ZC3H12B: variants seen among roughly 807,000 people sequenced by gnomAD.
ZC3H12B encodes the protein zinc finger CCCH-type containing 12B.
ZC3H12B carries 7 observed loss-of-function variants against 43.9 expected under a neutral mutation model. The observed-to-expected ratio is 0.16, with a 90% confidence interval of 0.09 to 0.30. The LOEUF is 0.30. ZC3H12B is among the 10% of genes least tolerant of loss of function. ZC3H12B has a pLI of 1.00. For synonymous variants in ZC3H12B, 222 were observed against 241.7 expected, an observed-to-expected ratio of 0.92 and a Z score of 0.76; for missense variants, 475 against 670.2, an observed-to-expected ratio of 0.71 and a Z score of 3.22.
chrX:65,235,570 C>T, the ZC3H12B span, among the ~76,000 whole-genome samples: 1 of 111,056 alleles, frequency 9.0e-6, no homozygotes, highest in African/African-American at 3.3e-5. Flanking sequence ...AGGCTGAGTT[C>T]AGCTTGCATC....
the ZC3H12B span, among the ~76,000 whole-genome samples, chrX:65,065,190 G>A: frequency 2.0e-3 from 224 of 110,193 alleles, 1 homozygote; most frequent in Non-Finnish European, 2.7e-3. Context: ...CATTATGATG[G>A]TAGCTAGTTA....
the ZC3H12B span, among the ~76,000 whole-genome samples, chrX:65,212,639 TG>T: frequency 3.4e-3 from 293 of 85,925 alleles, no homozygotes; most frequent in African/African-American, 0.011. Context: ...TAAATATATA[TG>T]ATTATATATC....
At chrX:65,165,063 A>G in the ZC3H12B span, among the ~76,000 whole-genome samples, 2 of 111,911 alleles carry the variant, frequency 1.8e-5, no homozygotes, top group Admixed American at 1.9e-4. Flanking sequence ...TTATATTTCG[A>G]TGTTACAACA....
At chrX:65,162,230 T>G in the ZC3H12B span, among the ~76,000 whole-genome samples, 1 of 111,316 alleles carries the variant, frequency 9.0e-6, no homozygotes, top group African/African-American at 3.3e-5. Context: ...TTGGTGAATC[T>G]GACAATTATG....
At chrX:65,240,791 ATTTG>A in the ZC3H12B span, among the ~76,000 whole-genome samples, 2 of 111,601 alleles carry the variant, frequency 1.8e-5, no homozygotes, top group Non-Finnish European at 3.8e-5. Context: ...TGTTGCTTTC[ATTTG>A]TTTGTTTTTC....
the ZC3H12B span, among the ~76,000 whole-genome samples, chrX:65,079,677 C>T: frequency 8.9e-6 from 1 of 112,312 alleles, no homozygotes; most frequent in Non-Finnish European, 1.9e-5. Context: ...CTTGGGTTGC[C>T]CACAAAAACA....
the ZC3H12B span, among the ~76,000 whole-genome samples, chrX:65,287,450 G>A: frequency 1.8e-5 from 2 of 110,924 alleles, no homozygotes; most frequent in Non-Finnish European, 3.8e-5. Flanking sequence ...AAGAAATGAA[G>A]ATAGAAATTA....
chrX:65,396,619 C>T (rs1302104688), intron 2 of ZC3H12B, among the ~76,000 whole-genome samples: 1 of 108,798 alleles, frequency 9.2e-6, no homozygotes, highest in Non-Finnish European at 1.9e-5. Flanking sequence ...GTTTTACTTC[C>T]AATTATATGG....
chrX:65,484,473 C>T (rs1323855547), upstream of ZC3H12B, among the ~76,000 whole-genome samples: 1 of 111,857 alleles, frequency 8.9e-6, no homozygotes, highest in African/African-American at 3.2e-5. Context: ...ATTATCTGGG[C>T]CCACCAGAAA....
chrX:65,064,414 G>C, the ZC3H12B span, among the ~76,000 whole-genome samples: 3 of 112,067 alleles, frequency 2.7e-5, no homozygotes, highest in African/African-American at 9.7e-5. Flanking sequence ...TATTTACCCA[G>C]TAGTCATTCA....
intron 3 of ZC3H12B, among the ~76,000 whole-genome samples, chrX:65,461,402 C>T (rs936423330): frequency 8.9e-5 from 10 of 112,064 alleles, no homozygotes; most frequent in Admixed American, 2.8e-4. Context: ...CCCATGCACA[C>T]GTATGTTTAT....
At chrX:65,120,353 G>C in the ZC3H12B span, among the ~76,000 whole-genome samples, 1 of 109,851 alleles carries the variant, frequency 9.1e-6, no homozygotes, top group African/African-American at 3.4e-5. Context: ...TCCTTGAAGA[G>C]GTTTTTCACA....
rs755086745 is a variant in ZC3H12B at position 65,408,009 on chromosome X, C to A, written n.407+9305C>A. ...CCTGGCTTTCCGGCTTAATTTTCCT[C>A]GGCGGGATTAAAGTTGGAAATTGAC... On this transcript the variant is annotated intron_variant and non_coding_transcript_variant, in intron 3 of 5. Coordinates refer to the ZC3H12B transcript ENST00000617377. 107 of 1,068,893 alleles carry A rather than the reference C, an allele frequency of 1.0e-4. No individual in the cohort carries two copies. In the Middle Eastern group the frequency reaches 1.1e-3, roughly 11 times the overall value. The allele number at this position is 1,068,893 out of a possible 1,213,427, so 88.1% of individuals were successfully genotyped here.
chrX:65,145,667 G>T, the ZC3H12B span, among the ~76,000 whole-genome samples: 1 of 111,563 alleles, frequency 9.0e-6, no homozygotes, highest in African/African-American at 3.3e-5. Flanking sequence ...AGTTCTTGTA[G>T]TGCTGGTTTG....
the ZC3H12B span, among the ~76,000 whole-genome samples, chrX:65,134,204 G>A: frequency 9.0e-6 from 1 of 110,687 alleles, no homozygotes; most frequent in Non-Finnish European, 1.9e-5. Flanking sequence ...AAGAGGGGTG[G>A]TGAGCAGCCC....
the ZC3H12B span, among the ~76,000 whole-genome samples, chrX:65,140,074 C>T: frequency 9.1e-6 from 1 of 110,377 alleles, no homozygotes; most frequent in African/African-American, 3.3e-5. Flanking sequence ...AATTTGGATG[C>T]TTTTTATTTA....
chrX:65,241,646 G>T, the ZC3H12B span, among the ~76,000 whole-genome samples: 1 of 112,847 alleles, frequency 8.9e-6, no homozygotes, highest in African/African-American at 3.2e-5. Context: ...CAGGCAGACT[G>T]CCTGGACCCA....
the ZC3H12B span, among the ~76,000 whole-genome samples, chrX:65,200,828 T>G: frequency 2.2e-4 from 24 of 111,471 alleles, no homozygotes; most frequent in African/African-American, 7.5e-4. Flanking sequence ...GCTTTCGGCA[T>G]TACTGTCATG....
the ZC3H12B span, among the ~76,000 whole-genome samples, chrX:65,234,209 C>A: frequency 8.9e-6 from 1 of 111,803 alleles, no homozygotes; most frequent in South Asian, 3.7e-4. Context: ...TCAGCATATG[C>A]AAATCAATAA....
Sources: gnomAD v4.1 joint callset for allele counts (sites outside exome capture counted in the v4.1 genomes callset) on GRCh38, gnomAD v4.1.1 for gene constraint, MANE v1.5 for transcripts, NCBI Gene and HGNC (gene_info 2026-07-23, HGNC 2026-07-21) for gene names.